Variants in BAHCC1 observed in about 807,000 individuals in gnomAD.
BAHCC1 encodes BAH domain and coiled-coil containing 1.
Under a neutral mutation model 88.2 loss-of-function variants are expected in BAHCC1, and 43 were observed. The observed-to-expected ratio is 0.49, with a 90% CI of 0.38 to 0.63. BAHCC1 has a LOEUF of 0.63. Ranked by LOEUF, BAHCC1 falls within the 20% of genes least tolerant of loss-of-function variation. The pLI, the probability that BAHCC1 is intolerant of heterozygous loss-of-function variation, is 0.00. For synonymous variants in BAHCC1, 1,510 were observed against 745.5 expected, an observed-to-expected ratio of 2.03 and a Z score of -16.71; for missense variants, 3,023 against 1,654.8, an observed-to-expected ratio of 1.83 and a Z score of -14.34.
chr17:81,402,242 A>C (rs1314891119), intron 2 of BAHCC1: 1 of 152,200 alleles, frequency 6.6e-6, no homozygotes, highest in African/African-American at 2.4e-5. Context: ...TGTTCAACCC[A>C]TTTGTGATGG....
chr17:81,416,803 A>G (rs1160632923), intron 2 of BAHCC1, among the ~76,000 whole-genome samples: 1 of 152,218 alleles, frequency 6.6e-6, no homozygotes, highest in Non-Finnish European at 1.5e-5. Context: ...GGCAGGAGTT[A>G]GGAGCACGCT....
rs782239773 is a variant in BAHCC1, at chr17:81,445,465, C to G, written c.2947C>G (p.Pro983Ala). 2.6e-6 allele frequency: 2 copies of G among 757,838 alleles called. No homozygotes were observed. Among genetic ancestry groups the G allele is most frequent in the African/African-American group, 3.4e-5 (2 of 58,426 alleles). 46.9% of individuals were successfully genotyped at this position (757,838 alleles called of 1,614,324 possible). Residue 983 changes from proline (P) to alanine (A), a missense_variant, in exon 10 of 28, where the codon CCC becomes GCC. Transcript: ENST00000675386. The stretch of plus-strand genomic sequence containing the variant: ...CCCCACGGCCCCGGGCGCCCCCTCA[C>G]CCGCTGCAGGCCCCACCAAGCTGCC... ...LTPTAPGAPS[P>A]AAGPTKLPPC... is the part of the protein sequence containing the mutation.
intron 1 of BAHCC1, among the ~76,000 whole-genome samples, chr17:81,398,233 G>A (rs533338255): frequency 6.6e-6 from 1 of 152,238 alleles, no homozygotes; most frequent in Non-Finnish European, 1.5e-5. Flanking sequence ...CCTTCGGAGG[G>A]ACGCCTGGGA....
intron 4 of BAHCC1, among the ~76,000 whole-genome samples, chr17:81,441,110 C>G (rs2064407300): frequency 6.6e-6 from 1 of 152,186 alleles, no homozygotes; most frequent in South Asian, 2.1e-4. Context: ...CCGAAAATCC[C>G]CACTGGCACT....
intron 11 of BAHCC1, among the ~76,000 whole-genome samples, chr17:81,448,446 C>T (rs571964015): frequency 6.6e-6 from 1 of 152,258 alleles, no homozygotes; most frequent in South Asian, 2.1e-4. Context: ...GTGTCTGCTT[C>T]GTCCACCCTG....
Position 81,460,563 on chromosome 17 carries a change from G to C in BAHCC1, c.6059G>C (p.Ser2020Thr). Residue 2020 changes from serine (S) to threonine (T), a missense_variant, in exon 25 of 28, where the codon AGC becomes ACC. Physicochemically the swap from Ser to Thr is moderately conservative, Grantham distance 58 (BLOSUM62 1). Transcript: ENST00000675386. ...CCCTCTCCAGCCCTGCTAGTGTCTA[G>C]CAGCTGCCGGAGGACCAAGAAGGTA... ...TEPSPALLVS[S>T]SCRRTKKVSS... 1 of 767,160 alleles carries C rather than the reference G, an allele frequency of 1.3e-6. No homozygotes were observed. The highest frequency in any genetic ancestry group is 2.4e-6 in the Non-Finnish European group (1 of 411,888). The allele number at this position is 767,160 out of a possible 1,614,324, so 47.5% of individuals were successfully genotyped here.
chr17:81,462,071 A>T (rs782525634), intron 26 of BAHCC1, 25 bp downstream of exon 26: 5 of 720,474 alleles, frequency 6.9e-6, no homozygotes, highest in Middle Eastern at 2.4e-4. Flanking sequence ...AGGCGGGAGG[A>T]GCTCCTGGTT....
rs894212747 is a variant in BAHCC1, at chr17:81,461,826, A to G, written c.7163A>G (p.Gln2388Arg). ...SKGSGPHAHAQRCFLSRATVA... is the reference protein window; with the variant it reads ...SKGSGPHAHARRCFLSRATVA... ...GGCAGCGGCCCTCACGCGCATGCCC[A>G]GCGCTGCTTCCTGTCCAGGGCCACG... The change falls in exon 26 of 28, where the codon CAG becomes CGG. Residue 2388 changes from glutamine (Q) to arginine (R), a missense_variant. Coordinates refer to ENST00000675386, the MANE Select transcript of BAHCC1 (RefSeq NM_001377448.1). The G allele has an allele frequency of 3.2e-5, 23 of 718,446 alleles. No homozygotes were observed. Among genetic ancestry groups the G allele is most frequent in the Non-Finnish European group, 5.4e-5 (21 of 385,834 alleles). 44.5% of individuals were successfully genotyped at this position (718,446 alleles called of 1,614,324 possible).
At chr17:81,409,548 C>G (rs1555647452) in intron 2 of BAHCC1, among the ~76,000 whole-genome samples, 1 of 152,192 alleles carries the variant, frequency 6.6e-6, no homozygotes, top group African/African-American at 2.4e-5. Context: ...CCCTGATTGT[C>G]CACGCGGGGT....
chr17:81,426,466 T>G, intron 2 of BAHCC1, among the ~76,000 whole-genome samples: 5 of 142,290 alleles, frequency 3.5e-5, no homozygotes, highest in Admixed American at 7.1e-5. Flanking sequence ...GTGATGTGGT[T>G]GGGGGTGATA....
intron 3 of BAHCC1, among the ~76,000 whole-genome samples, chr17:81,428,491 C>A (rs2143423319): frequency 6.6e-6 from 1 of 152,328 alleles, no homozygotes; most frequent in African/African-American, 2.4e-5. Flanking sequence ...TTGGTTTCCC[C>A]TCCTGGCAGT....
intron 8 of BAHCC1, 93 bp downstream of exon 8, chr17:81,444,919 G>C: frequency 2.9e-6 from 2 of 684,020 alleles, no homozygotes; most frequent in Admixed American, 4.7e-5. Context: ...AGGAGGGAGC[G>C]GTGGGCTTGG....
chr17:81,423,243 C>A (rs2143372673), intron 2 of BAHCC1, among the ~76,000 whole-genome samples: 1 of 152,324 alleles, frequency 6.6e-6, no homozygotes, highest in South Asian at 2.1e-4. Flanking sequence ...CCCTTGAGTC[C>A]ACATGGCTGC....
intron 2 of BAHCC1, among the ~76,000 whole-genome samples, chr17:81,409,624 G>A (rs1300137126): frequency 1.3e-5 from 2 of 152,186 alleles, no homozygotes; most frequent in Non-Finnish European, 2.9e-5. Flanking sequence ...GAGCACTAGT[G>A]GGTGAGGAGG....
At chr17:81,408,809 G>C (rs1355071143) in intron 2 of BAHCC1, among the ~76,000 whole-genome samples, 4 of 152,300 alleles carry the variant, frequency 2.6e-5, no homozygotes, top group African/African-American at 9.6e-5. Flanking sequence ...CCTTTCCCCT[G>C]ATATCAGCCA....
rs999032174 is a variant in BAHCC1 at position 81,426,909 on chromosome 17, C to T, written c.288C>T (p.Ser96=). 2.0e-5 allele frequency: 8 copies of T among 398,834 alleles called. No homozygotes were observed. Among genetic ancestry groups the T allele is most frequent in the Non-Finnish European group, 3.5e-5 (8 of 226,360 alleles). The allele number at this position is 398,834 out of a possible 1,614,324, so 24.7% of individuals were successfully genotyped here. ...ASTHPSGPSS[S]PPEQAYRGSH... ...CGCACCCCAGCGGCCCCAGCTCCTC[C>T]CCCCCTGAGCAGGCCTACCGTGGCT... Residue 96 remains serine, a synonymous_variant, in exon 3 of 28, where the codon TCC becomes TCT. Coordinates refer to ENST00000675386, the MANE Select transcript of BAHCC1 (RefSeq NM_001377448.1).
At chr17:81,415,299 G>T (rs140347942) in intron 2 of BAHCC1, among the ~76,000 whole-genome samples, 1 of 152,240 alleles carries the variant, frequency 6.6e-6, no homozygotes, top group African/African-American at 2.4e-5. Flanking sequence ...TCTTGGGGTC[G>T]CAGCAGGGTG....
intron 2 of BAHCC1, among the ~76,000 whole-genome samples, chr17:81,400,239 T>TTTCTGCA (rs1208361974): frequency 6.6e-6 from 1 of 152,174 alleles, no homozygotes; most frequent in African/African-American, 2.4e-5. Context: ...GGAAACCTCT[T>TTTCTGCA]TTCTGCATTC....
rs782736165 is a variant in BAHCC1, at chr17:81,447,691, G to A, written c.3819G>A (p.Leu1273=). The change falls in exon 11 of 28, where the codon CTG becomes CTA. Residue 1273 remains leucine (L), a synonymous_variant. Coordinates refer to ENST00000675386, the MANE Select transcript of BAHCC1 (RefSeq NM_001377448.1). ...CCGCCACCATCAACCTGGGGGACCTGCCCAGCGACAGCCCACCGGACCCTC... is the reference window on the plus strand; with the variant it reads ...CCGCCACCATCAACCTGGGGGACCTACCCAGCGACAGCCCACCGGACCCTC... The part of the protein sequence containing the change: ...LVAATINLGD[L]PSDSPPDPQP... The A allele has an allele frequency of 4.1e-6, 3 of 736,518 alleles. No homozygotes were observed. Among genetic ancestry groups the A allele is most frequent in the Non-Finnish European group, 7.6e-6 (3 of 396,518 alleles). The allele number at this position is 736,518 out of a possible 1,614,324, so 45.6% of individuals were successfully genotyped here. A position where few individuals can be genotyped will look rare whatever the true frequency, so the allele number is the denominator to read the frequency against.
Sources: gnomAD v4.1 joint callset for allele counts (sites outside exome capture counted in the v4.1 genomes callset) on GRCh38, gnomAD v4.1.1 for gene constraint, MANE v1.5 for transcripts, NCBI Gene and HGNC (gene_info 2026-07-23, HGNC 2026-07-21) for gene names.